TNFRSF19: variants seen among roughly 807,000 people sequenced by gnomAD.
TNFRSF19 encodes tumor necrosis factor receptor superfamily member 19.
TNFRSF19 carries 27 observed loss-of-function variants against 46.4 expected under a neutral mutation model. That is an observed-to-expected ratio of 0.58 (90% CI 0.43 to 0.80). TNFRSF19 has a LOEUF of 0.80. Ranked by LOEUF, TNFRSF19 falls within the 30% of genes least tolerant of loss-of-function variation. The probability of loss-of-function intolerance (pLI) is 0.00; values close to 1 mark genes in which losing one functional copy is unlikely to be tolerated. For missense variants in TNFRSF19, 511 were observed against 530.8 expected (o/e 0.96, Z 0.37); for synonymous variants, 204 against 205.0 (o/e 1.00, Z 0.04).
At chr13:23,582,355 C>T (rs888250057) in intron 1 of TNFRSF19, among the ~76,000 whole-genome samples, 1 of 151,404 alleles carries the variant, frequency 6.6e-6, no homozygotes, top group African/African-American at 2.4e-5. Flanking sequence ...GAGCTGAGAT[C>T]GTGCCACTGC....
At chr13:23,634,978 A>G (rs1882584722) in intron 5 of TNFRSF19, among the ~76,000 whole-genome samples, 1 of 152,174 alleles carries the variant, frequency 6.6e-6, no homozygotes, top group Admixed American at 6.5e-5. Context: ...TATTTCTTGC[A>G]TTCCGAAAGG....
chr13:23,589,835 G>T (rs935766040), intron 1 of TNFRSF19, among the ~76,000 whole-genome samples: 11 of 151,426 alleles, frequency 7.3e-5, no homozygotes, highest in African/African-American at 2.7e-4. Context: ...AGAATTTCAT[G>T]CTGAGTGAAG....
chr13:23,670,841 C>T (rs949236926), intron 9 of TNFRSF19, among the ~76,000 whole-genome samples: 5 of 152,220 alleles, frequency 3.3e-5, no homozygotes, highest in Non-Finnish European at 5.9e-5. Context: ...GTGCATCATC[C>T]GTGCCTCTCT....
chr13:23,578,152 T>A (rs1188835843), intron 1 of TNFRSF19, among the ~76,000 whole-genome samples: 2 of 152,044 alleles, frequency 1.3e-5, no homozygotes, highest in African/African-American at 4.8e-5. Context: ...GATAAAGAAG[T>A]TCAGCGGGAT....
At chr13:23,658,058 C>T (rs893365876) in intron 5 of TNFRSF19, among the ~76,000 whole-genome samples, 7 of 150,496 alleles carry the variant, frequency 4.7e-5, no homozygotes, top group Non-Finnish European at 8.9e-5. Flanking sequence ...TGTGTAGATT[C>T]ATGCCCCTTT....
intron 4 of TNFRSF19, among the ~76,000 whole-genome samples, chr13:23,620,022 T>C (rs192252273): frequency 4.8e-4 from 73 of 152,358 alleles, no homozygotes; most frequent in South Asian, 1.2e-3. Flanking sequence ...TATAAGTGAA[T>C]AGACAGTTGA....
At chr13:23,592,474 A>G (rs1879384778) in intron 2 of TNFRSF19, among the ~76,000 whole-genome samples, 1 of 152,210 alleles carries the variant, frequency 6.6e-6, no homozygotes, top group Admixed American at 6.5e-5. Context: ...AATAAGAGAA[A>G]AAAGCTATAT....
intron 1 of TNFRSF19, among the ~76,000 whole-genome samples, chr13:23,572,880 C>G (rs1424046462): frequency 1.2e-4 from 19 of 152,216 alleles, no homozygotes; most frequent in Admixed American, 1.2e-3. Context: ...ACTTTCCTAT[C>G]TGTTGCTTCA....
chr13:23,589,193 A>C (rs1383167600), intron 1 of TNFRSF19, among the ~76,000 whole-genome samples: 1 of 152,192 alleles, frequency 6.6e-6, no homozygotes, highest in Non-Finnish European at 1.5e-5. Context: ...CAGCCAGATG[A>C]GGCTTCGCTT....
At position 23,659,610 on chromosome 13, in the gene TNFRSF19, G is replaced by C. The variant is rs1441268546; in HGVS notation, c.610+396G>C. Among the ~76,000 whole-genome samples, 1 of 152,084 alleles carries C rather than the reference G, an allele frequency of 6.6e-6. No individual in the cohort carries two copies. The highest frequency in any genetic ancestry group is 1.9e-4 in the East Asian group (1 of 5,184). On this transcript the variant is annotated intron_variant, in intron 6 of 9. Coordinates refer to ENST00000248484, the MANE Select transcript of TNFRSF19 (RefSeq NM_148957.4). This position sits in a 1 kb window ranked among gnomAD's most constrained non-coding sequence, Gnocchi z 4.9. Reference sequence around the variant, plus strand: ...CAACCTCTGCCTCCCGGATTCAAGTGATTCTCCTGCCTCAGCCTCCGGAGT... The same window carrying C: ...CAACCTCTGCCTCCCGGATTCAAGTCATTCTCCTGCCTCAGCCTCCGGAGT...
intron 9 of TNFRSF19, among the ~76,000 whole-genome samples, chr13:23,672,733 T>A (rs766705672): frequency 3.9e-5 from 6 of 152,222 alleles, no homozygotes; most frequent in Non-Finnish European, 5.9e-5. Context: ...TGTTCAGTGG[T>A]TTCACTTGTC....
At chr13:23,633,772 G>A (rs185330527) in intron 5 of TNFRSF19, among the ~76,000 whole-genome samples, 263 of 152,248 alleles carry the variant, frequency 1.7e-3, no homozygotes, top group South Asian at 7.0e-3. Context: ...TCACTTGAAC[G>A]CGGGAGGCGG....
chr13:23,653,025 T>C (rs1488191506), intron 5 of TNFRSF19, among the ~76,000 whole-genome samples: 1 of 152,200 alleles, frequency 6.6e-6, no homozygotes, highest in Non-Finnish European at 1.5e-5. Flanking sequence ...TTTCTCTGTC[T>C]CGTATTTAGC....
At chr13:23,647,451 A>G (rs1883398025) in intron 5 of TNFRSF19, among the ~76,000 whole-genome samples, 1 of 152,152 alleles carries the variant, frequency 6.6e-6, no homozygotes, top group Non-Finnish European at 1.5e-5. Flanking sequence ...CACCCAGGCT[A>G]CAGTGCAGTA....
chr13:23,641,263 C>T (rs1191837830), intron 5 of TNFRSF19, among the ~76,000 whole-genome samples: 1 of 152,164 alleles, frequency 6.6e-6, no homozygotes, highest in Non-Finnish European at 1.5e-5. Flanking sequence ...GGAGGCACCT[C>T]AGCTATGTAT....
At chr13:23,588,867 C>G (rs1354633819) in intron 1 of TNFRSF19, among the ~76,000 whole-genome samples, 1 of 152,228 alleles carries the variant, frequency 6.6e-6, no homozygotes, top group Non-Finnish European at 1.5e-5. Context: ...GGGTCATTCA[C>G]TCAACAAAGG....
intron 3 of TNFRSF19, among the ~76,000 whole-genome samples, chr13:23,612,385 A>G (rs1056367575): frequency 2.6e-5 from 4 of 152,224 alleles, no homozygotes; most frequent in African/African-American, 9.6e-5. Context: ...ATTTATATGT[A>G]GTTTACTTTA....
chr13:23,600,108 T>A (rs1217539274), intron 3 of TNFRSF19, among the ~76,000 whole-genome samples: 1 of 152,222 alleles, frequency 6.6e-6, no homozygotes, highest in Non-Finnish European at 1.5e-5. Context: ...AGTTAATTTT[T>A]GGAGAATCAG....
chr13:23,673,276 G>A, intron 9 of TNFRSF19, 96 bp from the exon 10 acceptor site: 1 of 1,394,334 alleles, frequency 7.2e-7, no homozygotes, highest in Non-Finnish European at 9.7e-7. Context: ...TATACTACTA[G>A]TAAAAGTTAT....
Sources: allele counts gnomAD v4.1 joint callset (sites outside exome capture counted in the v4.1 genomes callset), GRCh38; gene constraint gnomAD v4.1.1; non-coding constraint Gnocchi (gnomAD v3.1); transcripts MANE v1.5; gene names NCBI Gene and HGNC (gene_info 2026-07-23, HGNC 2026-07-21).